Variants in NRIP1 observed in about 807,000 individuals in gnomAD.
The protein encoded by NRIP1 is nuclear receptor-interacting protein 1.
NRIP1 carries 28 observed loss-of-function variants against 75.0 expected under a neutral mutation model. The observed-to-expected ratio is 0.37, with a 90% CI of 0.28 to 0.51. NRIP1 has a LOEUF of 0.51. Ranked by LOEUF, NRIP1 falls within the 20% of genes least tolerant of loss-of-function variation. NRIP1 has a pLI of 0.92. For synonymous variants in NRIP1, 526 were observed against 487.6 expected, an observed-to-expected ratio of 1.08 and a Z score of -1.04; for missense variants, 1,435 against 1,343.7, an observed-to-expected ratio of 1.07 and a Z score of -1.06.
chr21:15,045,047 C>T lies in NRIP1; in HGVS notation c.-537-1473G>A, dbSNP rs535244721. On this transcript the variant is annotated intron_variant, in intron 1 of 3. Transcript: ENST00000318948. ...AAAATATATGCCTTTAATTACTACA[C>T]ACACATGCACATTCTCTCTCTCATC... Among the ~76,000 whole-genome samples the T allele has an allele frequency of 1.3e-3, 192 of 152,298 alleles. 1 individual carries two copies. Among genetic ancestry groups the T allele is most frequent in the Middle Eastern group, 0.01 (3 of 294 alleles).
upstream of NRIP1, among the ~76,000 whole-genome samples, chr21:15,065,209 G>A (rs1280837316): frequency 6.6e-6 from 1 of 152,092 alleles, no homozygotes; most frequent in African/African-American, 2.4e-5. Context: ...CACAGGAGCT[G>A]CGGAACCCCC....
chr21:15,016,947 GAAGAAAGAC>G (rs1366729413), intron 2 of NRIP1, among the ~76,000 whole-genome samples: 3 of 145,952 alleles, frequency 2.1e-5, no homozygotes, highest in East Asian at 2.0e-4. Context: ...AGAAAGAAAA[GAAGAAAGAC>G]AAGAAAGAAA....
chr21:15,022,094 A>AAT (rs1215396215), intron 2 of NRIP1, among the ~76,000 whole-genome samples: 1 of 152,236 alleles, frequency 6.6e-6, no homozygotes, highest in East Asian at 1.9e-4. Flanking sequence ...ATGCACATGT[A>AAT]TGTTCACTGC....
chr21:15,054,729 A>G (rs1018815510), intron 1 of NRIP1, among the ~76,000 whole-genome samples: 1 of 152,248 alleles, frequency 6.6e-6, no homozygotes, highest in Non-Finnish European at 1.5e-5. Context: ...GGACTGGTAC[A>G]GTTCAATTTA....
chr21:15,052,833 AT>A (rs1217177753), intron 1 of NRIP1, among the ~76,000 whole-genome samples: 2 of 152,098 alleles, frequency 1.3e-5, no homozygotes, highest in Non-Finnish European at 2.9e-5. Flanking sequence ...GTATACTGTT[AT>A]TTTTCCTTCC....
At chr21:15,025,784 G>A (rs954341853) in intron 2 of NRIP1, among the ~76,000 whole-genome samples, 8 of 152,132 alleles carry the variant, frequency 5.3e-5, no homozygotes, top group South Asian at 2.1e-4. Flanking sequence ...GGAAACAGAA[G>A]ACAACCCTAA....
At chr21:15,024,726 G>A (rs2088475888) in intron 2 of NRIP1, among the ~76,000 whole-genome samples, 1 of 152,004 alleles carries the variant, frequency 6.6e-6, no homozygotes, top group South Asian at 2.1e-4. Flanking sequence ...AAGAAATGAT[G>A]TGGTATGGGG....
Position 14,965,840 on chromosome 21 carries a change from C to G in NRIP1, c.2353G>C (p.Ala785Pro). The G allele has an allele frequency of 1.2e-6, 2 of 1,613,960 alleles. No individual in the cohort carries two copies. The highest frequency in any genetic ancestry group is 1.7e-6 in the Non-Finnish European group (2 of 1,179,934). The change falls in exon 4 of 4, where the codon GCT becomes CCT. Residue 785 changes from alanine to proline, a missense_variant. Transcript: ENST00000318948. ...GGTGCGCTTCTCTGCACAGCAGGAG[C>G]CATACCCAAGAATGGGGCACTCTTA... Reference protein sequence around the residue: ...DAKSAPFLGMAPAVQRSAPAL... With the variant: ...DAKSAPFLGMPPAVQRSAPAL...
At chr21:15,010,807 G>A (rs1018784590) in intron 3 of NRIP1, among the ~76,000 whole-genome samples, 3 of 152,264 alleles carry the variant, frequency 2.0e-5, no homozygotes, top group Middle Eastern at 3.4e-3. Flanking sequence ...GACTCTGAAC[G>A]AAGATGGCTG....
intron 2 of NRIP1, among the ~76,000 whole-genome samples, chr21:15,029,277 C>A (rs1037730709): frequency 6.6e-6 from 1 of 152,148 alleles, no homozygotes; most frequent in African/African-American, 2.4e-5. Flanking sequence ...GACCTCATCT[C>A]CTGTGACCCT....
rs1482110833 is a variant in NRIP1 at position 15,064,746 on chromosome 21, C to T, written c.-539G>A. ...GCCCTGGCCGCGGCCGTCACTCACC[C>T]CAGGCCGCCGCGGCTCCCAGCCTCC... On this transcript the variant is annotated splice_region_variant and 5_prime_UTR_variant, in exon 1 of 4. Transcript: ENST00000318948. 6.7e-6 allele frequency: 1 copy of T among 149,414 alleles called. No individual in the cohort carries two copies. Among genetic ancestry groups the T allele is most frequent in the Non-Finnish European group, 1.5e-5 (1 of 66,964 alleles). 9.3% of individuals were successfully genotyped at this position (149,414 alleles called of 1,614,324 possible).
rs189811299 is a variant in NRIP1, at chr21:15,034,988, T to C, written c.-458+8507A>G. 2.6e-5 allele frequency among the ~76,000 whole-genome samples: 4 copies of C among 152,326 alleles called. No individual in the cohort carries two copies. In the East Asian group the frequency reaches 7.7e-4, roughly 29 times the overall value. On this transcript the variant is annotated intron_variant, in intron 2 of 3. Coordinates refer to ENST00000318948, the MANE Select transcript of NRIP1 (RefSeq NM_003489.4). ...GATGCACTTTATGTATTTCCTCATT[T>C]ATTCTGCATAATATTCTTATGATGT...
intron 3 of NRIP1, among the ~76,000 whole-genome samples, chr21:14,976,315 T>C (rs141968045): frequency 4.6e-5 from 7 of 152,234 alleles, no homozygotes; most frequent in African/African-American, 9.6e-5. Flanking sequence ...ATGAAAAAAT[T>C]CCATGGAATC....
chr21:15,032,693 G>A (rs1264842276), intron 2 of NRIP1, among the ~76,000 whole-genome samples: 1 of 152,164 alleles, frequency 6.6e-6, no homozygotes, highest in Non-Finnish European at 1.5e-5. Context: ...TGACTACAGA[G>A]GTCTACTGAT....
chr21:14,989,355 T>TA (rs2087504017), intron 3 of NRIP1, among the ~76,000 whole-genome samples: 1 of 152,132 alleles, frequency 6.6e-6, no homozygotes, highest in Non-Finnish European at 1.5e-5. Context: ...CAACAGAATT[T>TA]CATATTTCTT....
chr21:15,052,529 T>C (rs996065725), intron 1 of NRIP1: 30 of 152,240 alleles, frequency 2.0e-4, no homozygotes, highest in African/African-American at 7.2e-4. Context: ...ACTCACAAGG[T>C]AGTATGTACA....
chr21:15,039,378 T>A (rs1400115434), intron 2 of NRIP1, among the ~76,000 whole-genome samples: 1 of 152,112 alleles, frequency 6.6e-6, no homozygotes, highest in African/African-American at 2.4e-5. Context: ...CCCTCCACAA[T>A]AAGTTTCCAT....
intron 2 of NRIP1, among the ~76,000 whole-genome samples, chr21:15,031,642 C>T (rs1167451405): frequency 4.0e-5 from 3 of 74,254 alleles, no homozygotes; most frequent in East Asian, 5.6e-4. Context: ...GGAAGGCGCT[C>T]GGAGGATCAC....
At chr21:15,036,121 T>C (rs946021251) in intron 2 of NRIP1, among the ~76,000 whole-genome samples, 1 of 152,208 alleles carries the variant, frequency 6.6e-6, no homozygotes, top group Non-Finnish European at 1.5e-5. Context: ...GAATTTTTGT[T>C]TGTGATATGA....
Sources: gnomAD v4.1 joint callset for allele counts (sites outside exome capture counted in the v4.1 genomes callset) on GRCh38, gnomAD v4.1.1 for gene constraint, MANE v1.5 for transcripts, NCBI Gene and HGNC (gene_info 2026-07-23, HGNC 2026-07-21) for gene names.